The following KRABD5 variants were observed in gnomAD, a reference collection of about 807,000 sequenced individuals.
KRABD5 encodes the protein KRAB domain-containing protein 5.
At chr16:31,715,400 A>T in the KRABD5 span, among the ~76,000 whole-genome samples, 1 of 151,976 alleles carries the variant, frequency 6.6e-6, no homozygotes, top group Non-Finnish European at 1.5e-5. Context: ...AGGAAGGGGG[A>T]TTTCTTTCAT....
At chr16:31,748,917 T>C in the KRABD5 span, among the ~76,000 whole-genome samples, 1 of 152,188 alleles carries the variant, frequency 6.6e-6, no homozygotes, top group African/African-American at 2.4e-5. Flanking sequence ...TGACAACCCC[T>C]GTTGAGGGTC....
At chr16:31,741,381 A>C in the KRABD5 span, among the ~76,000 whole-genome samples, 149 of 152,358 alleles carry the variant, frequency 9.8e-4, no homozygotes, top group Non-Finnish European at 1.8e-3. Flanking sequence ...AGAAATCTCC[A>C]AACTGTTTTT....
the KRABD5 span, among the ~76,000 whole-genome samples, chr16:31,753,013 A>T: frequency 5.6e-3 from 856 of 152,128 alleles, 6 homozygotes; most frequent in Middle Eastern, 0.01. Flanking sequence ...TGTTTTGGTT[A>T]CTTTGATGTC....
At chr16:31,726,637 T>C in the KRABD5 span, among the ~76,000 whole-genome samples, 1 of 152,174 alleles carries the variant, frequency 6.6e-6, no homozygotes, top group Admixed American at 6.5e-5. Context: ...GGTGCATACC[T>C]GTAATGTCAG....
At chr16:31,735,058 G>A in the KRABD5 span, among the ~76,000 whole-genome samples, 1 of 151,506 alleles carries the variant, frequency 6.6e-6, no homozygotes, top group South Asian at 2.1e-4. Flanking sequence ...CCGCCTGCCT[G>A]CCCTTTCTTT....
At chr16:31,713,570 C>CGGA in the KRABD5 span, 1 of 1,311,514 alleles carries the variant, frequency 7.6e-7, no homozygotes, top group Non-Finnish European at 1.0e-6. Flanking sequence ...GTCCCCTCCG[C>CGGA]CGCAAGATGG....
chr16:31,730,125 T>G, the KRABD5 span, among the ~76,000 whole-genome samples: 2 of 152,198 alleles, frequency 1.3e-5, no homozygotes, highest in African/African-American at 4.8e-5. Context: ...GTTTGTAGTT[T>G]TAATGTTTTC....
chr16:31,716,311 C>G, the KRABD5 span, among the ~76,000 whole-genome samples: 1 of 152,314 alleles, frequency 6.6e-6, no homozygotes, highest in African/African-American at 2.4e-5. Context: ...GTAGCACAAA[C>G]CAGTCCTTCC....
chr16:31,723,604 G>A, the KRABD5 span, among the ~76,000 whole-genome samples: 1 of 152,254 alleles, frequency 6.6e-6, no homozygotes, highest in South Asian at 2.1e-4. Flanking sequence ...TGCTCCCCTT[G>A]GCCTGTGAGG....
chr16:31,742,941 T>C, the KRABD5 span, among the ~76,000 whole-genome samples: 1 of 152,244 alleles, frequency 6.6e-6, no homozygotes, highest in African/African-American at 2.4e-5. Flanking sequence ...CTTATGTTTG[T>C]TGGTTGCATA....
the KRABD5 span, among the ~76,000 whole-genome samples, chr16:31,718,224 A>C: frequency 6.6e-6 from 1 of 152,104 alleles, no homozygotes; most frequent in Non-Finnish European, 1.5e-5. Context: ...TGAGAGCAGA[A>C]TTCCTGAGGG....
At chr16:31,754,903 C>A in the KRABD5 span, 1 of 451,830 alleles carries the variant, frequency 2.2e-6, no homozygotes, top group African/African-American at 2.0e-5. Context: ...GTGGCAAAGC[C>A]TTCAATTCTA....
the KRABD5 span, among the ~76,000 whole-genome samples, chr16:31,743,251 T>G: frequency 6.6e-6 from 1 of 152,202 alleles, no homozygotes. Context: ...TTTTATGGTT[T>G]TGGGTTTTAC....
the KRABD5 span, among the ~76,000 whole-genome samples, chr16:31,734,936 A>T: frequency 1.3e-5 from 2 of 151,696 alleles, no homozygotes; most frequent in African/African-American, 4.8e-5. Flanking sequence ...TTTAGTAGAG[A>T]CGGGGTTTCA....
At chr16:31,723,182 C>G in the KRABD5 span, 4 of 1,477,490 alleles carry the variant, frequency 2.7e-6, no homozygotes, top group East Asian at 9.7e-5. Flanking sequence ...AATGTTCCCT[C>G]TTTACTGAGT....
chr16:31,726,837 T>C, the KRABD5 span, among the ~76,000 whole-genome samples: 1 of 152,332 alleles, frequency 6.6e-6, no homozygotes, highest in Middle Eastern at 3.4e-3. Context: ...GGAATTTTAA[T>C]AGGGATTACA....
the KRABD5 span, chr16:31,756,753 G>T: frequency 9.2e-5 from 14 of 152,064 alleles, no homozygotes; most frequent in Admixed American, 9.2e-4. Flanking sequence ...CCCTTTTTCA[G>T]TCCAATTGAA....
At chr16:31,728,065 G>A in the KRABD5 span, among the ~76,000 whole-genome samples, 1 of 152,074 alleles carries the variant, frequency 6.6e-6, no homozygotes, top group Admixed American at 6.6e-5. Context: ...ATGTTGCCCA[G>A]GCTGGTCTCC....
chr16:31,723,431 A>T, the KRABD5 span: 3 of 1,411,142 alleles, frequency 2.1e-6, no homozygotes, highest in Non-Finnish European at 2.8e-6. Flanking sequence ...TGAAGTGTGG[A>T]TTGGGAAGTT....
Sources: gnomAD v4.1 joint callset for allele counts (sites outside exome capture counted in the v4.1 genomes callset) on GRCh38, gnomAD v4.1.1 for gene constraint, MANE v1.5 for transcripts, NCBI Gene and HGNC (gene_info 2026-07-23, HGNC 2026-07-21) for gene names.